FOXJ3: variants seen among roughly 807,000 people sequenced by gnomAD.
The protein encoded by FOXJ3 is forkhead box protein J3.
Under a neutral mutation model 76.1 loss-of-function variants are expected in FOXJ3, and 22 were observed. The ratio of observed to expected loss-of-function variants is 0.29; its 90% CI spans 0.21 to 0.41. FOXJ3 has a LOEUF of 0.41. Among genes scored for constraint, FOXJ3 ranks in the 10% least tolerant of loss-of-function variants. The pLI, the probability that FOXJ3 is intolerant of heterozygous loss-of-function variation, is 1.00. For synonymous variants in FOXJ3, 269 were observed against 261.2 expected, an observed-to-expected ratio of 1.03 and a Z score of -0.29; for missense variants, 613 against 762.1, an observed-to-expected ratio of 0.80 and a Z score of 2.30.
intron 5 of FOXJ3, chr1:42,206,141 A>C (rs76550081): frequency 3.0e-6 from 1 of 338,904 alleles, no homozygotes; most frequent in Non-Finnish European, 5.4e-6. Flanking sequence ...AAAATTGCTA[A>C]TGATCCCCTA....
In FOXJ3 at chr1:42,179,829, G is replaced by C. The variant is rs907691; in HGVS notation, c.1754-4C>G. On this transcript the variant is annotated splice_region_variant and splice_polypyrimidine_tract_variant and intron_variant, in intron 12 of 12. Coordinates refer to ENST00000361346, the MANE Select transcript of FOXJ3 (RefSeq NM_014947.5). The stretch of plus-strand genomic sequence containing the variant: ...TGGTTCATGGCTCTGTGATGGCCTG[G>C]AAGGAAAGAGGCAATAATAGCAGCG... 9.2e-4 allele frequency: 1,467 copies of C among 1,601,326 alleles called. 18 individuals are homozygous for C. The African/African-American group carries it at 0.017, about 18-fold the overall frequency.
chr1:42,308,459 G>A (rs1654600238), intron 2 of FOXJ3, among the ~76,000 whole-genome samples: 2 of 152,014 alleles, frequency 1.3e-5, no homozygotes, highest in Admixed American at 6.6e-5. Context: ...AAGAAAAATC[G>A]GTGACAGACA....
intron 5 of FOXJ3, among the ~76,000 whole-genome samples, 198 bp downstream of exon 5, chr1:42,227,685 C>T (rs191340579): frequency 4.3e-4 from 65 of 152,348 alleles, no homozygotes; most frequent in African/African-American, 1.2e-3. Context: ...AAACCTTTTA[C>T]TTAATTCCTA....
chr1:42,224,151 G>A (rs1399107621), intron 5 of FOXJ3, among the ~76,000 whole-genome samples: 2 of 152,190 alleles, frequency 1.3e-5, no homozygotes, highest in Non-Finnish European at 2.9e-5. Context: ...GAACTAGTAA[G>A]TTGTGAAGTC....
chr1:42,196,808 T>C (rs938490598), intron 7 of FOXJ3, among the ~76,000 whole-genome samples: 8 of 152,238 alleles, frequency 5.3e-5, no homozygotes, highest in African/African-American at 1.4e-4. Context: ...GTTCTATACA[T>C]GCTTCTTTAA....
intron 5 of FOXJ3, among the ~76,000 whole-genome samples, chr1:42,209,717 T>C (rs763445952): frequency 2.0e-5 from 3 of 152,148 alleles, no homozygotes; most frequent in Admixed American, 6.5e-5. Context: ...ATGCTTTACA[T>C]CCATTCCCAG....
intron 5 of FOXJ3, among the ~76,000 whole-genome samples, chr1:42,224,730 C>T (rs994679693): frequency 2.0e-5 from 3 of 151,778 alleles, no homozygotes; most frequent in Non-Finnish European, 4.4e-5. Context: ...CTTTATCTTC[C>T]GTTTAAGACA....
chr1:42,181,402 A>C (rs1450662511), intron 12 of FOXJ3, among the ~76,000 whole-genome samples: 1 of 152,198 alleles, frequency 6.6e-6, no homozygotes, highest in Non-Finnish European at 1.5e-5. Flanking sequence ...ACTTCCCTGG[A>C]AACTATAGCT....
intron 3 of FOXJ3, among the ~76,000 whole-genome samples, chr1:42,272,720 T>A (rs11210615): frequency 1.3e-5 from 2 of 152,186 alleles, no homozygotes; most frequent in South Asian, 2.1e-4. Flanking sequence ...CAGAATGGAT[T>A]TGGCATTTTT....
chr1:42,195,239 A>C (rs1646629389), intron 7 of FOXJ3, among the ~76,000 whole-genome samples, 175 bp from the exon 8 acceptor site: 1 of 152,102 alleles, frequency 6.6e-6, no homozygotes, highest in African/African-American at 2.4e-5. Flanking sequence ...CAAAACAGCT[A>C]AACTGAATCT....
intron 4 of FOXJ3, among the ~76,000 whole-genome samples, chr1:42,237,502 T>C (rs1374958577): frequency 6.7e-6 from 1 of 149,126 alleles, no homozygotes; most frequent in African/African-American, 2.4e-5. Flanking sequence ...GGGCTATTTC[T>C]GTTATTAGAC....
chr1:42,228,115 G>A, intron 4 of FOXJ3, 149 bp from the exon 5 acceptor site: 1 of 407,134 alleles, frequency 2.5e-6, no homozygotes, highest in Non-Finnish European at 4.4e-6. Flanking sequence ...CTGAGAAAAA[G>A]ATTATATAAG....
intron 8 of FOXJ3, among the ~76,000 whole-genome samples, chr1:42,193,022 T>A (rs1646580621): frequency 6.6e-6 from 1 of 152,162 alleles, no homozygotes; most frequent in Non-Finnish European, 1.5e-5. Context: ...TTCAATAAAA[T>A]CCTAGCATTT....
rs766644044 is a variant in FOXJ3 at position 42,199,222 on chromosome 1, C to T, written c.639G>A (p.Leu213=). Residue 213 remains leucine (L), a synonymous_variant, in exon 7 of 13, where the codon TTG becomes TTA. Coordinates refer to ENST00000361346, the MANE Select transcript of FOXJ3 (RefSeq NM_014947.5). Reference sequence around the variant, plus strand: ...CACTACCATCCTGATCAGTGTTATACAATGTTACCTAAAATGAAAAAAGAA... The same window carrying T: ...CACTACCATCCTGATCAGTGTTATATAATGTTACCTAAAATGAAAAAAGAA... ...AINTVTNKVT[L]YNTDQDGSDS... is the part of the protein sequence containing the mutation. 5 of 1,611,418 alleles carry T rather than the reference C, an allele frequency of 3.1e-6. No individual in the cohort carries two copies. In the African/African-American group the frequency reaches 4.0e-5, roughly 13 times the overall value.
In FOXJ3 at chr1:42,285,498, T is replaced by G. The variant is rs1350929954; in HGVS notation, c.45-6826A>C. On this transcript the variant is annotated intron_variant, in intron 2 of 12. Transcript: ENST00000361346. ...TAGAAATTAAAATTTTTAAGCTAAC[T>G]ACATGGGAGGGTGAGAGGTGAAAGA... Among the ~76,000 whole-genome samples the G allele has an allele frequency of 2.0e-5, 3 of 152,002 alleles. No individual in the cohort carries two copies. The East Asian group carries it at 5.8e-4, about 29-fold the overall frequency.
chr1:42,189,274 G>A, intron 10 of FOXJ3, 29 bp downstream of exon 10: 2 of 1,358,954 alleles, frequency 1.5e-6, no homozygotes, highest in Non-Finnish European at 2.1e-6. Context: ...TGTGTATTTG[G>A]TTATATGTCA....
At chr1:42,331,252 C>T (rs1656144228) in intron 1 of FOXJ3, among the ~76,000 whole-genome samples, 1 of 152,034 alleles carries the variant, frequency 6.6e-6, no homozygotes, top group African/African-American at 2.4e-5. Context: ...CATGGTGGTG[C>T]ACGCCTGTAA....
rs188594881 is a variant in FOXJ3, at chr1:42,300,149, G to A, written c.44+10901C>T. On this transcript the variant is annotated intron_variant, in intron 2 of 12. Transcript: ENST00000361346. ...CGGGAGGCAGAGGCTGCAGTGAGCC[G>A]AGATCGTGCCACTACACTCCAGCCT... Among the ~76,000 whole-genome samples, 38 of 152,032 alleles carry A rather than the reference G, an allele frequency of 2.5e-4. No homozygotes were observed. In the East Asian group the frequency reaches 6.2e-3, roughly 25 times the overall value.
chr1:42,206,015 A>C (rs1646854488), intron 5 of FOXJ3, 152 bp from the exon 6 acceptor site: 1 of 584,026 alleles, frequency 1.7e-6, no homozygotes, highest in Admixed American at 3.3e-5. Flanking sequence ...TCTTCTACTA[A>C]ATTTTAGTAT....
Sources: allele counts gnomAD v4.1 joint callset (sites outside exome capture counted in the v4.1 genomes callset), GRCh38; gene constraint gnomAD v4.1.1; transcripts MANE v1.5; gene names NCBI Gene and HGNC (gene_info 2026-07-23, HGNC 2026-07-21).